The following GRM7 variants were observed in gnomAD, a reference collection of about 807,000 sequenced individuals.
GRM7 encodes metabotropic glutamate receptor 7.
In GRM7, 35 loss-of-function variants were observed where a neutral mutation model predicts 84.5. The ratio of observed to expected loss-of-function variants is 0.41; its 90% CI spans 0.32 to 0.55. The LOEUF (loss-of-function observed/expected upper bound fraction) is 0.55. Among genes scored for constraint, GRM7 ranks in the 20% least tolerant of loss-of-function variants. The probability of loss-of-function intolerance (pLI) is 0.19; values close to 1 mark genes in which losing one functional copy is unlikely to be tolerated. For synonymous variants in GRM7, 487 were observed against 455.1 expected (o/e 1.07, Z -0.89); for missense variants, 1,003 against 1,194.6 (o/e 0.84, Z 2.36).
At chr3:7,278,935 C>G (rs551117067) in intron 2 of GRM7, among the ~76,000 whole-genome samples, 1 of 152,272 alleles carries the variant, frequency 6.6e-6, no homozygotes, top group Admixed American at 6.5e-5. Flanking sequence ...TTATTGAAAT[C>G]TTATTGCTTT....
chr3:7,063,584 C>G (rs1697509619), intron 1 of GRM7, among the ~76,000 whole-genome samples: 1 of 151,708 alleles, frequency 6.6e-6, no homozygotes, highest in Non-Finnish European at 1.5e-5. Context: ...AATCTATAAG[C>G]TCTCAGATAA....
chr3:7,567,307 A>G (rs1371569141), intron 7 of GRM7, among the ~76,000 whole-genome samples: 1 of 152,202 alleles, frequency 6.6e-6, no homozygotes, highest in Admixed American at 6.5e-5. Context: ...CCCCATTCAG[A>G]CTTTTAAAAA....
chr3:7,533,518 G>A (rs1281081026), intron 7 of GRM7, among the ~76,000 whole-genome samples: 1 of 152,168 alleles, frequency 6.6e-6, no homozygotes, highest in African/African-American at 2.4e-5. Context: ...GATGTTAGGT[G>A]CTTAAGGGCA....
At chr3:7,327,558 TTA>T (rs1212798852) in intron 4 of GRM7, among the ~76,000 whole-genome samples, 8 of 152,188 alleles carry the variant, frequency 5.3e-5, no homozygotes, top group Non-Finnish European at 7.3e-5. Context: ...CTTTATAGTG[TTA>T]TCTAAGTGCA....
intron 9 of GRM7, among the ~76,000 whole-genome samples, chr3:7,692,210 C>CAGAT (rs1700832439): frequency 6.6e-6 from 1 of 152,134 alleles, no homozygotes; most frequent in Admixed American, 6.5e-5. Flanking sequence ...TGCTATGGGA[C>CAGAT]AGATAGGCTC....
At chr3:7,457,011 A>T (rs1181995231) in intron 6 of GRM7, among the ~76,000 whole-genome samples, 1 of 152,216 alleles carries the variant, frequency 6.6e-6, no homozygotes, top group East Asian at 1.9e-4. Flanking sequence ...AAGACTCCAT[A>T]GCTAGCAAAG....
chr3:7,072,304 C>A (rs999606110), intron 1 of GRM7, among the ~76,000 whole-genome samples: 1 of 152,146 alleles, frequency 6.6e-6, no homozygotes, highest in African/African-American at 2.4e-5. Context: ...ACCTTAAATA[C>A]TTTTGGTAAG....
Position 6,862,840 on chromosome 3 carries a change from G to A in GRM7, c.519+933G>A, listed in dbSNP as rs1046913898. 3 of 324,368 alleles carry A rather than the reference G, an allele frequency of 9.2e-6. No individual in the cohort carries two copies. Among genetic ancestry groups the A allele is most frequent in the East Asian group, 1.1e-4 (1 of 8,938 alleles). 20.1% of individuals were successfully genotyped at this position (324,368 alleles called of 1,614,324 possible). On this transcript the variant is annotated intron_variant, in intron 1 of 9. Transcript: ENST00000357716. This position sits in a 1 kb window ranked among gnomAD's most constrained non-coding sequence, Gnocchi z 5.2. Reference sequence around the variant, plus strand: ...CGCCCGTTGGGAGGCAGAGGGGTGCGTGAAGCGGGGCCCCGTGGTCCTCCT... The same window carrying A: ...CGCCCGTTGGGAGGCAGAGGGGTGCATGAAGCGGGGCCCCGTGGTCCTCCT...
intron 4 of GRM7, among the ~76,000 whole-genome samples, chr3:7,354,813 C>T (rs968817321): frequency 6.6e-6 from 1 of 152,178 alleles, no homozygotes; most frequent in African/African-American, 2.4e-5. Context: ...ATTGATTTAA[C>T]AAATGCCGTT....
At chr3:7,291,795 G>T (rs1409441170) in intron 2 of GRM7, among the ~76,000 whole-genome samples, 2 of 152,130 alleles carry the variant, frequency 1.3e-5, no homozygotes, top group Non-Finnish European at 2.9e-5. Flanking sequence ...GAATGGAGGT[G>T]ATATGGTTTG....
chr3:7,321,428 A>G lies in GRM7; in HGVS notation c.1033+14776A>G, dbSNP rs375974576. Among the ~76,000 whole-genome samples, 75 of 152,214 alleles carry G rather than the reference A, an allele frequency of 4.9e-4. 4 individuals carry two copies. The South Asian group carries it at 0.012, about 24-fold the overall frequency. On this transcript the variant is annotated intron_variant, in intron 4 of 9. Transcript: ENST00000357716. ...AACTAACCTCTGACCAGTCCCAAAA[A>G]GTAGTGTAATTAATCATGTAAATTT...
intron 9 of GRM7, among the ~76,000 whole-genome samples, chr3:7,710,859 A>G (rs1406939500): frequency 6.6e-6 from 1 of 152,152 alleles, no homozygotes; most frequent in East Asian, 1.9e-4. Flanking sequence ...CAAATGTACC[A>G]CTGTCTCTGC....
chr3:7,025,207 A>G (rs1695936585), intron 1 of GRM7, among the ~76,000 whole-genome samples: 1 of 152,158 alleles, frequency 6.6e-6, no homozygotes, highest in African/African-American at 2.4e-5. Flanking sequence ...CATCTAGAAT[A>G]ATCTCTCCAT....
intron 1 of GRM7, among the ~76,000 whole-genome samples, chr3:7,074,249 T>C (rs1266956180): frequency 2.6e-5 from 4 of 152,140 alleles, no homozygotes; most frequent in Admixed American, 1.3e-4. Context: ...GGCTTAGATG[T>C]TGCACTAGCG....
intron 1 of GRM7, among the ~76,000 whole-genome samples, chr3:7,068,815 C>T (rs1031776794): frequency 4.0e-5 from 6 of 151,764 alleles, no homozygotes; most frequent in African/African-American, 1.5e-4. Flanking sequence ...GTATAAGCTG[C>T]CTCAAAAAAA....
intron 5 of GRM7, among the ~76,000 whole-genome samples, chr3:7,438,106 A>T (rs770616337): frequency 2.6e-5 from 4 of 152,064 alleles, no homozygotes; most frequent in Non-Finnish European, 5.9e-5. Context: ...AGTGGGGAAC[A>T]GGTGAGGGGT....
intron 5 of GRM7, among the ~76,000 whole-genome samples, chr3:7,418,957 G>C (rs183395793): frequency 1.5e-3 from 234 of 152,230 alleles, no homozygotes; most frequent in Non-Finnish European, 2.6e-3. Flanking sequence ...CAAAATTGTT[G>C]AGTGGATTAA....
chr3:7,134,741 A>G (rs565513166), intron 1 of GRM7, among the ~76,000 whole-genome samples: 182 of 152,254 alleles, frequency 1.2e-3, no homozygotes, highest in Non-Finnish European at 1.8e-3. Flanking sequence ...TAACCAAGAG[A>G]AAGGTACACA....
At chr3:7,574,914 A>G (rs574531330) in intron 7 of GRM7, among the ~76,000 whole-genome samples, 1 of 150,366 alleles carries the variant, frequency 6.7e-6, no homozygotes, top group African/African-American at 2.4e-5. Flanking sequence ...CCCAAATGAA[A>G]TCTTTTGTTC....
Sources: gnomAD v4.1 joint callset for allele counts (sites outside exome capture counted in the v4.1 genomes callset) on GRCh38, gnomAD v4.1.1 for gene constraint, Gnocchi (gnomAD v3.1) non-coding constraint, MANE v1.5 for transcripts, NCBI Gene and HGNC (gene_info 2026-07-23, HGNC 2026-07-21) for gene names.